PSD3: variants seen among roughly 807,000 people sequenced by gnomAD.
The protein encoded by PSD3 is pleckstrin and Sec7 domain containing 3.
PSD3 carries 49 observed loss-of-function variants against 105.5 expected under a neutral mutation model. That is an observed-to-expected ratio of 0.46 (90% confidence interval 0.37 to 0.59). PSD3 has a LOEUF of 0.59. Among genes scored for constraint, PSD3 ranks in the 20% least tolerant of loss-of-function variants. The pLI is 0.00. For missense variants in PSD3, 1,561 were observed against 1,263.8 expected, an observed-to-expected ratio of 1.24 and a Z score of -3.57; for synonymous variants, 557 against 457.8, an observed-to-expected ratio of 1.22 and a Z score of -2.77.
intron 1 of PSD3, among the ~76,000 whole-genome samples, chr8:19,028,485 C>T (rs1283385694): frequency 3.3e-5 from 5 of 151,906 alleles, no homozygotes; most frequent in South Asian, 2.1e-4. Flanking sequence ...CTTCCCGAAG[C>T]GCTGGGATTA....
intron 8 of PSD3, among the ~76,000 whole-genome samples, chr8:18,792,167 A>G (rs536777158): frequency 7.9e-5 from 12 of 152,292 alleles, no homozygotes; most frequent in Admixed American, 1.3e-4. Flanking sequence ...TAATTCCTCA[A>G]AGACCTAGAA....
In PSD3 at chr8:18,719,224, A is replaced by G. The variant is rs73666697; in HGVS notation, c.2172+46225T>C. ...TGAGTGGACGCCACTGAGATTGTCA[A>G]AGTGAAAAGTTTCCTGGGTACAATA... On this transcript the variant is annotated intron_variant, in intron 9 of 15. Transcript: ENST00000327040. Among the ~76,000 whole-genome samples, 1,079 of 152,304 alleles carry G rather than the reference A, an allele frequency of 7.1e-3. 11 individuals carry two copies. The highest frequency in any genetic ancestry group is 0.024 in the African/African-American group (999 of 41,562).
intron 9 of PSD3, among the ~76,000 whole-genome samples, chr8:18,683,531 C>T (rs898209691): frequency 6.6e-6 from 1 of 152,202 alleles, no homozygotes; most frequent in African/African-American, 2.4e-5. Flanking sequence ...ATTTTGAGCA[C>T]GGCTTTCGCC....
chr8:18,611,658 G>A (rs919967101), intron 11 of PSD3, among the ~76,000 whole-genome samples: 39 of 151,992 alleles, frequency 2.6e-4, no homozygotes, highest in African/African-American at 9.4e-4. Context: ...AAAACACAAA[G>A]AAAGACTTTT....
At chr8:18,705,523 CCT>C (rs1801840718) in intron 9 of PSD3, among the ~76,000 whole-genome samples, 1 of 111,108 alleles carries the variant, frequency 9.0e-6, no homozygotes. Context: ...AGAGCCAGAC[CCT>C]GTCTCAAGCA....
At chr8:18,832,865 C>A (rs1813788662) in intron 4 of PSD3, among the ~76,000 whole-genome samples, 1 of 152,100 alleles carries the variant, frequency 6.6e-6, no homozygotes, top group Non-Finnish European at 1.5e-5. Context: ...GCATAGCTCC[C>A]ATGATTCAAT....
At chr8:18,544,183 A>AAAAAAAAAAAAAAAAAAAAAAAC in intron 15 of PSD3, among the ~76,000 whole-genome samples, 1 of 51,774 alleles carries the variant, frequency 1.9e-5, no homozygotes, top group African/African-American at 3.6e-5. Flanking sequence ...AAAAAAAAAA[A>AAAAAAAAAAAAAAAAAAAAAAAC]AAAAAAAAAA....
At chr8:18,669,996 G>C (rs1436023383) in intron 9 of PSD3, among the ~76,000 whole-genome samples, 7 of 152,158 alleles carry the variant, frequency 4.6e-5, no homozygotes, top group African/African-American at 1.7e-4. Context: ...AGATTTGAGT[G>C]GGGTGGAAGC....
intron 1 of PSD3, among the ~76,000 whole-genome samples, chr8:18,983,760 A>G (rs1443745144): frequency 6.6e-6 from 1 of 152,028 alleles, no homozygotes; most frequent in Non-Finnish European, 1.5e-5. Context: ...CCATTTTGGG[A>G]CGCTGAGGCA....
At chr8:19,064,522 G>A (rs1201014078) in intron 1 of PSD3, among the ~76,000 whole-genome samples, 1 of 151,036 alleles carries the variant, frequency 6.6e-6, no homozygotes, top group Admixed American at 6.6e-5. Context: ...TTTGTGTTAG[G>A]GACATTCCAA....
chr8:18,551,568 G>A (rs1800770649), intron 15 of PSD3, among the ~76,000 whole-genome samples: 1 of 152,144 alleles, frequency 6.6e-6, no homozygotes, highest in Admixed American at 6.5e-5. Flanking sequence ...TTTTGTTATA[G>A]TGGACATTTG....
intron 1 of PSD3, among the ~76,000 whole-genome samples, chr8:19,077,235 G>A (rs1341895323): frequency 6.6e-6 from 1 of 152,176 alleles, no homozygotes; most frequent in Non-Finnish European, 1.5e-5. Flanking sequence ...CAGATAAAAT[G>A]AGATTTTCCA....
At position 19,007,076 on chromosome 8, in the gene PSD3, G is replaced by A. The variant is rs182668368; in HGVS notation, c.21+6487C>T. Among the ~76,000 whole-genome samples the A allele has an allele frequency of 1.9e-3, 282 of 152,070 alleles. 2 individuals carry two copies. Among genetic ancestry groups the A allele is most frequent in the African/African-American group, 6.5e-3 (271 of 41,522 alleles). ...TTGAGACCAGCCTGGCTAACATGGC[G>A]AAACCCCGTATCTACTAAAAATACG... is the stretch of plus-strand genomic sequence containing the variant. On this transcript the variant is annotated intron_variant, in intron 1 of 15. Transcript: ENST00000327040.
chr8:18,986,268 T>C (rs971578712), intron 1 of PSD3, among the ~76,000 whole-genome samples: 12 of 152,198 alleles, frequency 7.9e-5, no homozygotes, highest in Non-Finnish European at 1.6e-4. Context: ...TTATCAAGTT[T>C]TCAAAGGCAC....
intron 9 of PSD3, among the ~76,000 whole-genome samples, chr8:18,748,517 G>A (rs927025496): frequency 2.6e-5 from 4 of 151,876 alleles, no homozygotes; most frequent in Non-Finnish European, 5.9e-5. Flanking sequence ...AAAATTAGCC[G>A]GGCTTGGTGG....
At chr8:18,942,256 A>C (rs765359529) in intron 1 of PSD3, among the ~76,000 whole-genome samples, 11 of 152,158 alleles carry the variant, frequency 7.2e-5, no homozygotes, top group Non-Finnish European at 1.3e-4. Flanking sequence ...ATTAAACACT[A>C]AATTAAAGAC....
At chr8:18,564,182 G>A (rs1480444109) in intron 14 of PSD3, among the ~76,000 whole-genome samples, 2 of 151,852 alleles carry the variant, frequency 1.3e-5, no homozygotes, top group African/African-American at 4.8e-5. Context: ...ATTGACAGTG[G>A]AAAATGTAGT....
intron 1 of PSD3, among the ~76,000 whole-genome samples, chr8:19,005,538 C>G (rs943019242): frequency 6.6e-6 from 1 of 151,888 alleles, no homozygotes; most frequent in Non-Finnish European, 1.5e-5. Context: ...TAGAGCACAG[C>G]GATGCAATCA....
intron 1 of PSD3, among the ~76,000 whole-genome samples, chr8:19,073,650 A>G (rs1019568497): frequency 1.5e-4 from 23 of 150,932 alleles, no homozygotes; most frequent in African/African-American, 4.1e-4. Flanking sequence ...GCCAATCTGT[A>G]CAGGACTGTT....
Sources: allele counts gnomAD v4.1 joint callset (sites outside exome capture counted in the v4.1 genomes callset), GRCh38; gene constraint gnomAD v4.1.1; transcripts MANE v1.5; gene names NCBI Gene and HGNC (gene_info 2026-07-23, HGNC 2026-07-21).